The following CTNND2 variants were observed in gnomAD, a reference collection of about 807,000 sequenced individuals.
CTNND2 encodes catenin delta-2.
CTNND2 carries 22 observed loss-of-function variants against 144.4 expected under a neutral mutation model. The ratio of observed to expected loss-of-function variants is 0.15; its 90% CI spans 0.11 to 0.22. The LOEUF (loss-of-function observed/expected upper bound fraction) is 0.22. CTNND2 is among the 10% of genes least tolerant of loss of function. CTNND2 has a pLI of 1.00. For missense variants in CTNND2, 1,353 were observed against 1,618.8 expected (o/e 0.84, Z 2.82); for synonymous variants, 751 against 695.6 (o/e 1.08, Z -1.25).
In CTNND2 at chr5:11,864,882, CCTTTTT is replaced by C. The variant is rs1355700565; in HGVS notation, c.37+38929_37+38934del. 1.8e-4 allele frequency among the ~76,000 whole-genome samples: 21 copies of C among 116,252 alleles called. 1 individual carries two copies. The East Asian group carries it at 2.8e-3, about 16-fold the overall frequency. The allele number at this position is 116,252 out of a possible 152,430, so 76.3% of individuals were successfully genotyped here. ...TCTGATCTCAACTGTTCTTCTTCTT[CCTTTTT>C]TTTTTTTTTTTTTTTTTTTTTTTGC... On this transcript the variant is annotated intron_variant, in intron 1 of 21. Transcript: ENST00000304623.
At chr5:11,230,829 A>C (rs1253873427) in intron 10 of CTNND2, among the ~76,000 whole-genome samples, 1 of 152,178 alleles carries the variant, frequency 6.6e-6, no homozygotes, top group Non-Finnish European at 1.5e-5. Context: ...ATTTAAAGCT[A>C]ATGTCCTACC....
rs559915746 is a variant in CTNND2 at position 11,765,582 on chromosome 5, AG to A, written c.38-33311del. 3.6e-3 allele frequency among the ~76,000 whole-genome samples: 545 copies of A among 152,334 alleles called. 3 individuals carry two copies. Among genetic ancestry groups the A allele is most frequent in the South Asian group, 6.8e-3 (33 of 4,834 alleles). Reference sequence around the variant, plus strand: ...TTTTGTATGTGAGGTATGGACTTCAAGATCAGATTTGAATATTTTGGAAATA... The same window carrying A: ...TTTTGTATGTGAGGTATGGACTTCAAATCAGATTTGAATATTTTGGAAATA... On this transcript the variant is annotated intron_variant, in intron 1 of 21. Transcript: ENST00000304623.
intron 2 of CTNND2, among the ~76,000 whole-genome samples, chr5:11,604,508 G>A (rs1000123354): frequency 6.6e-6 from 1 of 152,162 alleles, no homozygotes; most frequent in African/African-American, 2.4e-5. Flanking sequence ...GCACAGCTCC[G>A]CCTCCAAAGC....
intron 11 of CTNND2, among the ~76,000 whole-genome samples, chr5:11,193,138 C>T (rs1346099426): frequency 6.6e-6 from 1 of 152,166 alleles, no homozygotes; most frequent in African/African-American, 2.4e-5. Context: ...CATAGAGGCA[C>T]AAGAATCCCC....
intron 9 of CTNND2, among the ~76,000 whole-genome samples, chr5:11,294,978 C>A (rs975937963): frequency 3.4e-4 from 51 of 152,124 alleles, no homozygotes; most frequent in Non-Finnish European, 7.1e-4. Flanking sequence ...GAAGTTCTGG[C>A]CAGGGCAATC....
chr5:11,602,323 A>T (rs1195675115), intron 2 of CTNND2, among the ~76,000 whole-genome samples: 1 of 152,098 alleles, frequency 6.6e-6, no homozygotes, highest in Non-Finnish European at 1.5e-5. Flanking sequence ...GATTTTTGTC[A>T]TCTGGGAAGA....
chr5:11,836,116 T>C (rs1794161920), intron 1 of CTNND2, among the ~76,000 whole-genome samples: 2 of 152,210 alleles, frequency 1.3e-5, no homozygotes, highest in South Asian at 4.1e-4. Flanking sequence ...TTCCAAATGT[T>C]GGGAGATATC....
chr5:11,566,580 T>A (rs1777120672), intron 2 of CTNND2, among the ~76,000 whole-genome samples: 1 of 152,356 alleles, frequency 6.6e-6, no homozygotes, highest in East Asian at 1.9e-4. Flanking sequence ...TTGAAGACCA[T>A]ACAGAACTCC....
intron 15 of CTNND2, chr5:11,083,814 T>G: frequency 2.2e-5 from 17 of 775,314 alleles, no homozygotes; most frequent in Non-Finnish European, 2.6e-5. Context: ...TCCCACCCAG[T>G]CCCCCCACCA....
chr5:11,209,688 C>T (rs529993354), intron 10 of CTNND2, among the ~76,000 whole-genome samples: 49 of 152,218 alleles, frequency 3.2e-4, no homozygotes, highest in Admixed American at 4.6e-4. Flanking sequence ...ATACAGAGGC[C>T]GAGGTGGGCA....
At chr5:11,210,394 T>C (rs982810617) in intron 10 of CTNND2, among the ~76,000 whole-genome samples, 1 of 152,148 alleles carries the variant, frequency 6.6e-6, no homozygotes, top group African/African-American at 2.4e-5. Flanking sequence ...GAAGACTCTG[T>C]CTAAAAATAA....
chr5:11,565,841 T>A (rs1356246794), intron 2 of CTNND2, among the ~76,000 whole-genome samples: 1 of 152,180 alleles, frequency 6.6e-6, no homozygotes, highest in African/African-American at 2.4e-5. Flanking sequence ...TACACTTAAG[T>A]TTTTTTAAAA....
At chr5:11,184,425 G>A (rs546396793) in intron 11 of CTNND2, among the ~76,000 whole-genome samples, 1 of 152,152 alleles carries the variant, frequency 6.6e-6, no homozygotes, top group South Asian at 2.1e-4. Flanking sequence ...TTGCACTTAT[G>A]AATTAAAATC....
intron 16 of CTNND2, among the ~76,000 whole-genome samples, chr5:11,063,125 T>C (rs1427802456): frequency 2.0e-5 from 3 of 152,094 alleles, no homozygotes; most frequent in Non-Finnish European, 2.9e-5. Context: ...GTTCAAAGAA[T>C]CAAGTAGCAT....
intron 9 of CTNND2, among the ~76,000 whole-genome samples, chr5:11,256,205 T>C (rs1165885522): frequency 1.3e-5 from 2 of 152,192 alleles, no homozygotes. Context: ...TTAGCACCTG[T>C]AAAACTCCTT....
intron 2 of CTNND2, among the ~76,000 whole-genome samples, chr5:11,599,302 T>TA (rs977715334): frequency 2.0e-5 from 3 of 152,106 alleles, no homozygotes; most frequent in South Asian, 2.1e-4. Context: ...CCTGGAAAAC[T>TA]AAAAAAAATT....
intron 9 of CTNND2, among the ~76,000 whole-genome samples, chr5:11,289,391 T>C (rs563298895): frequency 2.9e-4 from 44 of 152,344 alleles, no homozygotes; most frequent in African/African-American, 9.6e-4. Context: ...TTCTATGCTT[T>C]TTAACTAGAC....
At chr5:11,771,970 G>A (rs975149154) in intron 1 of CTNND2, among the ~76,000 whole-genome samples, 2 of 152,158 alleles carry the variant, frequency 1.3e-5, no homozygotes, top group African/African-American at 4.8e-5. Flanking sequence ...GGATTTTCTA[G>A]TCAAGTTTGC....
At chr5:11,422,009 C>T (rs995675137) in intron 3 of CTNND2, among the ~76,000 whole-genome samples, 23 of 152,304 alleles carry the variant, frequency 1.5e-4, no homozygotes, top group African/African-American at 5.5e-4. Context: ...GGATGCAGGA[C>T]TGCCCCCGCA....
Sources: allele counts gnomAD v4.1 joint callset (sites outside exome capture counted in the v4.1 genomes callset), GRCh38; gene constraint gnomAD v4.1.1; transcripts MANE v1.5; gene names NCBI Gene and HGNC (gene_info 2026-07-23, HGNC 2026-07-21).